SLC5A8: variants seen among roughly 807,000 people sequenced by gnomAD.
SLC5A8 encodes sodium-coupled monocarboxylate transporter 1.
Under a neutral mutation model 71.9 loss-of-function variants are expected in SLC5A8, and 55 were observed. That is an observed-to-expected ratio of 0.77 (90% CI 0.62 to 0.96). The LOEUF is 0.96. Among genes scored for constraint, SLC5A8 ranks in the 40% least tolerant of loss-of-function variants. The probability of loss-of-function intolerance (pLI) is 0.00; values close to 1 mark genes in which losing one functional copy is unlikely to be tolerated. For synonymous variants in SLC5A8, 307 were observed against 276.1 expected, an observed-to-expected ratio of 1.11 and a Z score of -1.11; for missense variants, 701 against 745.3, an observed-to-expected ratio of 0.94 and a Z score of 0.69.
At chr12:101,193,169 C>T (rs1270495740) in intron 5 of SLC5A8, among the ~76,000 whole-genome samples, 4 of 151,966 alleles carry the variant, frequency 2.6e-5, no homozygotes, top group African/African-American at 9.7e-5. Flanking sequence ...GATGGGGTTT[C>T]GCCATGTTGG....
At chr12:101,176,963 G>T (rs1466368458) in intron 10 of SLC5A8, among the ~76,000 whole-genome samples, 1 of 151,700 alleles carries the variant, frequency 6.6e-6, no homozygotes, top group African/African-American at 2.4e-5. Context: ...AAACAACACA[G>T]AAAAATCAAT....
intron 1 of SLC5A8, among the ~76,000 whole-genome samples, chr12:101,206,697 G>A (rs778478369): frequency 8.5e-5 from 13 of 152,156 alleles, no homozygotes; most frequent in South Asian, 6.2e-4. Flanking sequence ...AAGATCTCTC[G>A]TGGTCCTCAG....
At chr12:101,172,416 T>C (rs1372825284) in intron 10 of SLC5A8, among the ~76,000 whole-genome samples, 1 of 152,002 alleles carries the variant, frequency 6.6e-6, no homozygotes, top group Non-Finnish European at 1.5e-5. Context: ...ACATTGGTAT[T>C]AAGGAGAGTT....
intron 8 of SLC5A8, among the ~76,000 whole-genome samples, chr12:101,183,768 T>C (rs1868478048): frequency 6.6e-6 from 1 of 152,198 alleles, no homozygotes; most frequent in Non-Finnish European, 1.5e-5. Context: ...AAGATTTCAT[T>C]CTAATTTTCC....
At chr12:101,183,813 A>C (rs1386986582) in intron 8 of SLC5A8, among the ~76,000 whole-genome samples, 2 of 152,190 alleles carry the variant, frequency 1.3e-5, no homozygotes, top group Non-Finnish European at 2.9e-5. Flanking sequence ...TGTGTTTTCA[A>C]TCAAGACTGT....
At chr12:101,174,068 T>C (rs530661692) in intron 10 of SLC5A8, among the ~76,000 whole-genome samples, 1 of 152,190 alleles carries the variant, frequency 6.6e-6, no homozygotes, top group South Asian at 2.1e-4. Flanking sequence ...CAAAGTAAAA[T>C]AAAAACTACC....
chr12:101,160,240 AAATT>A (rs1477315466), intron 13 of SLC5A8, among the ~76,000 whole-genome samples: 1 of 152,160 alleles, frequency 6.6e-6, no homozygotes, highest in Non-Finnish European at 1.5e-5. Context: ...TGGACCAAAC[AAATT>A]AATAAACCTA....
At chr12:101,183,554 C>A (rs1341370650) in intron 8 of SLC5A8, among the ~76,000 whole-genome samples, 1 of 152,072 alleles carries the variant, frequency 6.6e-6, no homozygotes, top group South Asian at 2.1e-4. Context: ...ATGTATTTTT[C>A]TTTGTGCATA....
chr12:101,201,334 T>A lies in SLC5A8; in HGVS notation c.469+830A>T, dbSNP rs867422723. On this transcript the variant is annotated intron_variant, in intron 3 of 14. Coordinates refer to ENST00000536262, the MANE Select transcript of SLC5A8 (RefSeq NM_145913.5). ...CTTCAGAAACAGGTGGTAACTACTG[T>A]CATGTCTATCATAAAATCAAGAAAA... is the stretch of plus-strand genomic sequence containing the variant. Among the ~76,000 whole-genome samples the A allele has an allele frequency of 6.2e-4, 95 of 152,306 alleles. 1 individual carries two copies. Among genetic ancestry groups the A allele is most frequent in the South Asian group, 1.4e-3 (7 of 4,828 alleles).
At chr12:101,198,490 G>T (rs537112364) in intron 3 of SLC5A8, among the ~76,000 whole-genome samples, 13 of 152,024 alleles carry the variant, frequency 8.6e-5, no homozygotes, top group African/African-American at 2.9e-4. Flanking sequence ...AGCATAACAA[G>T]AGGGTATTAT....
chr12:101,170,215 T>C (rs2137129821), intron 10 of SLC5A8, among the ~76,000 whole-genome samples: 1 of 152,196 alleles, frequency 6.6e-6, no homozygotes, highest in East Asian at 1.9e-4. Context: ...AGGAGGGAGC[T>C]TTCCAACACA....
intron 9 of SLC5A8, among the ~76,000 whole-genome samples, chr12:101,181,196 A>C (rs532701493): frequency 2.0e-5 from 3 of 152,180 alleles, no homozygotes; most frequent in Non-Finnish European, 4.4e-5. Context: ...AATGCATCTG[A>C]ATGAAAAATT....
chr12:101,208,468 C>A (rs979908660), intron 1 of SLC5A8, among the ~76,000 whole-genome samples: 2 of 152,160 alleles, frequency 1.3e-5, no homozygotes, highest in Non-Finnish European at 2.9e-5. Flanking sequence ...AGGACCAGTG[C>A]TGGGTGAGGG....
Position 101,209,890 on chromosome 12 carries a change from C to T in SLC5A8, c.-42G>A, listed in dbSNP as rs980910787. 5.5e-6 allele frequency: 8 copies of T among 1,465,886 alleles called. No individual in the cohort carries two copies. The African/African-American group carries it at 8.6e-5, about 16-fold the overall frequency. 90.8% of individuals were successfully genotyped at this position (1,465,886 alleles called of 1,614,324 possible). On this transcript the variant is annotated 5_prime_UTR_variant, in exon 1 of 15. Coordinates refer to ENST00000536262, the MANE Select transcript of SLC5A8 (RefSeq NM_145913.5). ...GAGCCCTGCGCGCAAACTGGTGGCC[C>T]CGCGGCGCGCAGCCGGAGCCCGGCG...
rs60836789 is a variant in SLC5A8, at chr12:101,177,444, TACAC to T, written c.1233+2581_1233+2584del. Among the ~76,000 whole-genome samples the T allele has an allele frequency of 9.1e-3, 862 of 94,472 alleles. 9 individuals are homozygous for T. Among genetic ancestry groups the T allele is most frequent in the South Asian group, 0.027 (76 of 2,812 alleles). The allele number at this position is 94,472 out of a possible 152,430, so 62.0% of individuals were successfully genotyped here. On this transcript the variant is annotated intron_variant, in intron 10 of 14. Transcript: ENST00000536262. The stretch of plus-strand genomic sequence containing the variant: ...TGCTATCAAAACCAAAGGCAGTATA[TACAC>T]ACACACACACACACACACACACACA...
intron 1 of SLC5A8, among the ~76,000 whole-genome samples, chr12:101,208,665 G>T (rs1463388989): frequency 3.3e-5 from 5 of 152,114 alleles, no homozygotes; most frequent in Admixed American, 3.3e-4. Flanking sequence ...TTCCTTAATT[G>T]TCTTTCCATA....
intron 10 of SLC5A8, among the ~76,000 whole-genome samples, chr12:101,173,463 AC>A (rs1007481290): frequency 3.7e-4 from 57 of 152,186 alleles, no homozygotes; most frequent in Non-Finnish European, 5.1e-4. Flanking sequence ...GTAAGCCAGC[AC>A]ACCCAGGATC....
chr12:101,172,684 C>T (rs530972519), intron 10 of SLC5A8, among the ~76,000 whole-genome samples: 2 of 152,112 alleles, frequency 1.3e-5, no homozygotes, highest in South Asian at 2.1e-4. Flanking sequence ...GAAGGCAGCC[C>T]GCTAGGGACC....
chr12:101,204,622 G>T, intron 1 of SLC5A8, 57 bp from the exon 2 acceptor site: 1 of 1,196,452 alleles, frequency 8.4e-7, no homozygotes, highest in Non-Finnish European at 1.2e-6. Context: ...AAAATCAGCA[G>T]CTCAAGAAGA....
Sources: gnomAD v4.1 joint callset for allele counts (sites outside exome capture counted in the v4.1 genomes callset) on GRCh38, gnomAD v4.1.1 for gene constraint, MANE v1.5 for transcripts, NCBI Gene and HGNC (gene_info 2026-07-23, HGNC 2026-07-21) for gene names.